Variants in XPC observed in about 807,000 individuals in gnomAD.
The protein encoded by XPC is DNA repair protein complementing XP-C cells.
XPC carries 76 observed loss-of-function variants against 95.8 expected under a neutral mutation model. The observed-to-expected ratio is 0.79, with a 90% CI of 0.66 to 0.96. The LOEUF is 0.96. Among genes scored for constraint, XPC ranks in the 40% least tolerant of loss-of-function variants. The pLI, the probability that XPC is intolerant of heterozygous loss-of-function variation, is 0.00. For missense variants in XPC, 1,146 were observed against 1,179.8 expected (o/e 0.97, Z 0.42); for synonymous variants, 442 against 442.1 (o/e 1.00, Z 0.00).
In XPC at chr3:14,148,120, C is replaced by T. The variant is rs564322190; in HGVS notation, c.2421-119G>A. 103 of 853,032 alleles carry T rather than the reference C, an allele frequency of 1.2e-4. No homozygotes were observed. The African/African-American group carries it at 1.6e-3, about 13-fold the overall frequency. The allele number at this position is 853,032 out of a possible 1,614,324, so 52.8% of individuals were successfully genotyped here. ...GAGCACTAGGGGTCCTGAAGGATGT[C>T]GCGGGTCAGCCAGTGTCCCACATCC... On this transcript the variant is annotated intron_variant, in intron 13 of 15. Coordinates refer to ENST00000285021, the MANE Select transcript of XPC (RefSeq NM_004628.5).
chr3:14,169,930 CTG>C (rs1382263985), intron 3 of XPC, among the ~76,000 whole-genome samples: 1 of 152,216 alleles, frequency 6.6e-6, no homozygotes, highest in African/African-American at 2.4e-5. Flanking sequence ...CTGGTATTTA[CTG>C]TGAGTGTATG....
chr3:14,153,942 G>A (rs748852432), intron 10 of XPC, among the ~76,000 whole-genome samples: 1 of 152,204 alleles, frequency 6.6e-6, no homozygotes, highest in Non-Finnish European at 1.5e-5. Flanking sequence ...ACTGCCCAGA[G>A]GAGTGATTAT....
At chr3:14,162,008 A>G (rs1284155997) in intron 7 of XPC, among the ~76,000 whole-genome samples, 1 of 152,214 alleles carries the variant, frequency 6.6e-6, no homozygotes, top group Non-Finnish European at 1.5e-5. Flanking sequence ...TACATTTGCA[A>G]TGAACAACCT....
chr3:14,163,785 C>T (rs140829093), intron 7 of XPC, among the ~76,000 whole-genome samples: 8 of 152,302 alleles, frequency 5.3e-5, no homozygotes, highest in South Asian at 2.1e-4. Context: ...CAAATACATA[C>T]GTACACACAT....
At chr3:14,152,006 A>G (rs991994164) in intron 11 of XPC, among the ~76,000 whole-genome samples, 4 of 152,140 alleles carry the variant, frequency 2.6e-5, no homozygotes, top group African/African-American at 7.2e-5. Context: ...ACGTGCTGCT[A>G]TAAAGCAGGG....
intron 1 of XPC, 131 bp downstream of exon 1, chr3:14,178,335 G>T: frequency 5.6e-6 from 6 of 1,072,592 alleles, no homozygotes; most frequent in Non-Finnish European, 7.6e-6. Context: ...AGCCTGCCGG[G>T]CTGCCCCCAC....
At chr3:14,159,631 C>A in intron 8 of XPC, 110 bp downstream of exon 8, 1 of 1,143,456 alleles carries the variant, frequency 8.7e-7, no homozygotes, top group Non-Finnish European at 1.3e-6. Context: ...TCGAAAGAAC[C>A]CACACTCCGT....
At position 14,159,727 on chromosome 3, in the gene XPC, C is replaced by T. The variant is rs764117733; in HGVS notation, c.990+14G>A. The stretch of plus-strand genomic sequence containing the variant: ...TCAATTGCTCCTCTTCTCTGGCAGC[C>T]CTGCGCACCTCACCTTTGCTGTTGC... On this transcript the variant is annotated intron_variant, in intron 8 of 15. Transcript: ENST00000285021. 1.1e-5 allele frequency: 17 copies of T among 1,555,358 alleles called. No individual in the cohort carries two copies. Among genetic ancestry groups the T allele is most frequent in the Non-Finnish European group, 1.4e-5 (16 of 1,148,776 alleles).
chr3:14,147,623 G>A, intron 14 of XPC: 1 of 602,596 alleles, frequency 1.7e-6, no homozygotes, highest in Non-Finnish European at 2.9e-6. Flanking sequence ...AGTGGGTGAG[G>A]TCTTCCAGAA....
chr3:14,167,682 A>G (rs986140964), intron 4 of XPC, among the ~76,000 whole-genome samples: 1 of 152,232 alleles, frequency 6.6e-6, no homozygotes, highest in Admixed American at 6.5e-5. Context: ...TATCCCATTA[A>G]TCTTCAAGAC....
chr3:14,156,488 G>A lies in XPC; in HGVS notation c.1880C>T (p.Ala627Val), dbSNP rs1392011781. ...GGGCAAAGGCTGGTCCATGTGTTTA[G>A]CCTGAAACTGCAAAGGCCAGACAGA... Reference protein sequence around the residue: ...REKKEDLEFQAKHMDQPLPTA... With the variant: ...REKKEDLEFQVKHMDQPLPTA... The change falls in exon 10 of 16, where the codon GCT becomes GTT. Residue 627 changes from alanine (A) to valine (V), a missense_variant. Transcript: ENST00000285021. 1 of 1,613,682 alleles carries A rather than the reference G, an allele frequency of 6.2e-7. No homozygotes were observed. The highest frequency in any genetic ancestry group is 8.5e-7 in the Non-Finnish European group (1 of 1,179,794).
chr3:14,157,879 G>C, intron 9 of XPC, 132 bp downstream of exon 9: 1 of 1,299,296 alleles, frequency 7.7e-7, no homozygotes, highest in Non-Finnish European at 1.0e-6. Context: ...GCTTTATATG[G>C]CTGTGACAAT....
Position 14,170,503 on chromosome 3 carries a change from G to A in XPC, c.347C>T (p.Ala116Val), listed in dbSNP as rs1160367000. The change falls in exon 3 of 16, where the codon GCT (alanine) becomes GTT (valine). Residue 116 changes from alanine to valine, a missense_variant. Coordinates refer to ENST00000285021, the MANE Select transcript of XPC (RefSeq NM_004628.5). Reference sequence around the variant, plus strand: ...TTCATTGCTGTCTTCATTCATGGTAGCCCCTCTCTTCAGATGGTGTGCCTT... The same window carrying A: ...TTCATTGCTGTCTTCATTCATGGTAACCCCTCTCTTCAGATGGTGTGCCTT... ...LKKAHHLKRG[A>V]TMNEDSNEEE... The A allele has an allele frequency of 6.2e-7, 1 of 1,613,468 alleles. No homozygotes were observed. The highest frequency in any genetic ancestry group is 1.3e-5 in the African/African-American group (1 of 74,872).
chr3:14,176,572 T>C (rs1696824399), intron 1 of XPC, among the ~76,000 whole-genome samples: 1 of 152,244 alleles, frequency 6.6e-6, no homozygotes, highest in African/African-American at 2.4e-5. Context: ...AAAGATGTTA[T>C]TTGAATGAGT....
At chr3:14,154,181 CTG>C (rs1695808797) in intron 10 of XPC, among the ~76,000 whole-genome samples, 1 of 152,238 alleles carries the variant, frequency 6.6e-6, no homozygotes, top group African/African-American at 2.4e-5. Context: ...ACCTTGTGGA[CTG>C]TCGGTGAAAA....
chr3:14,174,707 G>C (rs1696744155), intron 1 of XPC, among the ~76,000 whole-genome samples: 1 of 152,110 alleles, frequency 6.6e-6, no homozygotes, highest in African/African-American at 2.4e-5. Context: ...TTAAGATAAA[G>C]AAAAACGATA....
Position 14,158,498 on chromosome 3 carries a change from G to C in XPC, c.1385C>G (p.Pro462Arg). ...GGCTTTCCTCTGCTTTGGAGGGCCA[G>C]GTTCGGAATCCTCATCAGAGGGATC... ...ASDPSDEDSE[P>R]GPPKQRKAPA... The change falls in exon 9 of 16, where the codon CCT (proline) becomes CGT (arginine). Residue 462 changes from proline to arginine, a missense_variant. Transcript: ENST00000285021. The surrounding 1 kb of genome is among the most constrained non-coding windows in gnomAD (Gnocchi z 5.2). 1.9e-6 allele frequency: 3 copies of C among 1,612,236 alleles called. No individual in the cohort carries two copies. The highest frequency in any genetic ancestry group is 2.5e-6 in the Non-Finnish European group (3 of 1,178,842).
intron 1 of XPC, among the ~76,000 whole-genome samples, chr3:14,176,231 A>T (rs1291166586): frequency 6.6e-6 from 1 of 152,248 alleles, no homozygotes; most frequent in Non-Finnish European, 1.5e-5. Context: ...TAGCATTTCC[A>T]TCAGATTAAA....
chr3:14,163,294 A>G (rs1273396729), intron 7 of XPC, among the ~76,000 whole-genome samples: 1 of 152,244 alleles, frequency 6.6e-6, no homozygotes. Flanking sequence ...GTAAATAAAT[A>G]TATGTATAGA....
Sources: allele counts gnomAD v4.1 joint callset (sites outside exome capture counted in the v4.1 genomes callset), GRCh38; gene constraint gnomAD v4.1.1; non-coding constraint Gnocchi (gnomAD v3.1); transcripts MANE v1.5; gene names NCBI Gene and HGNC (gene_info 2026-07-23, HGNC 2026-07-21).